The following PYROXD2 variants were observed in gnomAD, a reference collection of about 807,000 sequenced individuals.
PYROXD2 encodes the protein pyridine nucleotide-disulfide oxidoreductase domain-containing protein 2.
In PYROXD2, 69 loss-of-function variants were observed where a neutral mutation model predicts 71.1. The ratio of observed to expected loss-of-function variants is 0.97; its 90% CI spans 0.80 to 1.19. The LOEUF is 1.19. Among genes scored for constraint, PYROXD2 ranks in the 50% most tolerant of loss-of-function variants. The pLI, the probability that PYROXD2 is intolerant of heterozygous loss-of-function variation, is 0.00. For synonymous variants in PYROXD2, 287 were observed against 302.7 expected (o/e 0.95, Z 0.54); for missense variants, 745 against 748.9 (o/e 0.99, Z 0.06).
chr10:98,399,419 T>C (rs1843312421), intron 5 of PYROXD2, among the ~76,000 whole-genome samples: 1 of 152,228 alleles, frequency 6.6e-6, no homozygotes, highest in Non-Finnish European at 1.5e-5. Flanking sequence ...CAAATAATCT[T>C]TCTATATCCA....
intron 11 of PYROXD2, 74 bp downstream of exon 11, chr10:98,390,936 G>T: frequency 7.3e-7 from 1 of 1,377,496 alleles, no homozygotes. Flanking sequence ...ACTGAGTTCA[G>T]CTGCCCCCAG....
intron 6 of PYROXD2, 109 bp from the exon 7 acceptor site, chr10:98,395,561 G>A: frequency 1.1e-6 from 1 of 930,004 alleles, no homozygotes; most frequent in Non-Finnish European, 1.7e-6. Flanking sequence ...CTGCCAGGAG[G>A]TGGTATAGCA....
intron 4 of PYROXD2, among the ~76,000 whole-genome samples, chr10:98,402,230 G>A (rs1843438061): frequency 6.6e-6 from 1 of 152,208 alleles, no homozygotes; most frequent in East Asian, 1.9e-4. Flanking sequence ...AGCAACACGA[G>A]AGGCTCATAG....
chr10:98,394,533 T>C (rs1843080250), intron 8 of PYROXD2, among the ~76,000 whole-genome samples: 1 of 136,808 alleles, frequency 7.3e-6, no homozygotes, highest in Middle Eastern at 3.3e-3. Context: ...TTGGCTGCAT[T>C]CTCCATCCCA....
intron 15 of PYROXD2, among the ~76,000 whole-genome samples, chr10:98,384,268 C>T (rs1288116250): frequency 1.3e-5 from 2 of 152,146 alleles, no homozygotes; most frequent in Admixed American, 1.3e-4. Context: ...CAGCCAGCTC[C>T]GTTAGGCTTG....
intron 5 of PYROXD2, among the ~76,000 whole-genome samples, chr10:98,398,747 G>C (rs906792571): frequency 2.0e-5 from 3 of 152,142 alleles, no homozygotes; most frequent in Non-Finnish European, 4.4e-5. Flanking sequence ...CCCCTCAAGT[G>C]CCTCTGAGAT....
chr10:98,388,797 G>A (rs1842850147), intron 12 of PYROXD2, among the ~76,000 whole-genome samples: 3 of 151,934 alleles, frequency 2.0e-5, no homozygotes, highest in Admixed American at 6.6e-5. Context: ...CAAATGTCTC[G>A]AAGGTCCACA....
chr10:98,406,891 CAAAAAAA>C (rs35562526), intron 4 of PYROXD2, among the ~76,000 whole-genome samples: 1 of 73,118 alleles, frequency 1.4e-5, no homozygotes, highest in Admixed American at 1.6e-4. Context: ...GACTCCGTCC[CAAAAAAA>C]AAAAAAAAAA....
At chr10:98,392,618 T>C (rs750960001) in intron 9 of PYROXD2, 52 bp from the exon 10 acceptor site, 3 of 1,597,416 alleles carry the variant, frequency 1.9e-6, no homozygotes, top group Middle Eastern at 1.7e-4. Flanking sequence ...GAAATCCATG[T>C]TAGATCTTCC....
chr10:98,401,673 T>A (rs1258847560), intron 4 of PYROXD2, among the ~76,000 whole-genome samples: 1 of 152,214 alleles, frequency 6.6e-6, no homozygotes, highest in Non-Finnish European at 1.5e-5. Context: ...TATTTTTATT[T>A]TTTACTTTAT....
chr10:98,406,954 AC>A (rs1239139265), intron 4 of PYROXD2, among the ~76,000 whole-genome samples: 1 of 150,690 alleles, frequency 6.6e-6, no homozygotes, highest in Non-Finnish European at 1.5e-5. Flanking sequence ...AGCACCAAGA[AC>A]CCTTTTCTCT....
chr10:98,404,133 A>G (rs1843513550), intron 4 of PYROXD2, among the ~76,000 whole-genome samples: 1 of 152,242 alleles, frequency 6.6e-6, no homozygotes, highest in Admixed American at 6.5e-5. Context: ...CTAGTGAACT[A>G]TAACCTAGAA....
intron 10 of PYROXD2, 46 bp downstream of exon 10, chr10:98,392,386 T>C (rs1455119077): frequency 4.4e-6 from 7 of 1,597,608 alleles, no homozygotes; most frequent in South Asian, 2.2e-5. Context: ...TTCTAACCCC[T>C]GTTTTGGCAG....
At chr10:98,393,876 C>T (rs1843043613) in intron 8 of PYROXD2, among the ~76,000 whole-genome samples, 1 of 152,184 alleles carries the variant, frequency 6.6e-6, no homozygotes, top group Non-Finnish European at 1.5e-5. Flanking sequence ...TCCTAACTAA[C>T]AGAACCTCTC....
At position 98,387,223 on chromosome 10, in the gene PYROXD2, C is replaced by A. The variant is rs758785903; in HGVS notation, c.1532G>T (p.Arg511Ile). 2 of 1,614,094 alleles carry A rather than the reference C, an allele frequency of 1.2e-6. No individual in the cohort carries two copies. Among genetic ancestry groups the A allele is most frequent in the Non-Finnish European group, 1.7e-6 (2 of 1,179,956 alleles). ...RDILTPPDLE[R>I]IFGLPGGNIF... ...TACCCCTCCAGGAAGCCCGAAGATT[C>A]TCTCCAAATCTGGTGGTGTGAGGAT... The change falls in exon 14 of 16, where the codon AGA becomes ATA. Residue 511 changes from arginine (R) to isoleucine (I), a missense_variant. Transcript: ENST00000370575.
chr10:98,402,678 A>T (rs1207411975), intron 4 of PYROXD2, among the ~76,000 whole-genome samples: 1 of 151,918 alleles, frequency 6.6e-6, no homozygotes, highest in Non-Finnish European at 1.5e-5. Context: ...CAACCTCACG[A>T]CTCGAGGTCT....
At chr10:98,398,835 A>C (rs1475034395) in intron 5 of PYROXD2, among the ~76,000 whole-genome samples, 1 of 152,186 alleles carries the variant, frequency 6.6e-6, no homozygotes, top group Non-Finnish European at 1.5e-5. Flanking sequence ...AAGCACTTTT[A>C]AAAAAGCTAA....
chr10:98,412,269 C>T (rs1165348989), intron 1 of PYROXD2, among the ~76,000 whole-genome samples: 3 of 152,254 alleles, frequency 2.0e-5, no homozygotes, highest in Non-Finnish European at 4.4e-5. Context: ...ACAAGACCCC[C>T]TCCCAGTGAC....
At chr10:98,401,253 CAA>C (rs751517406) in intron 4 of PYROXD2, among the ~76,000 whole-genome samples, 5 of 45,584 alleles carry the variant, frequency 1.1e-4, no homozygotes, top group African/African-American at 3.3e-4. Context: ...GACTCTGTCT[CAA>C]AAAAAAAAAA....
Sources: gnomAD v4.1 joint callset for allele counts (sites outside exome capture counted in the v4.1 genomes callset) on GRCh38, gnomAD v4.1.1 for gene constraint, MANE v1.5 for transcripts, NCBI Gene and HGNC (gene_info 2026-07-23, HGNC 2026-07-21) for gene names.